SMIM10L3: variants seen among roughly 807,000 people sequenced by gnomAD.
SMIM10L3 encodes salivary gland specific protein SAGSIN1.
At chr7:6,336,149 G>C in the SMIM10L3 span, among the ~76,000 whole-genome samples, 1 of 148,334 alleles carries the variant, frequency 6.7e-6, no homozygotes, top group African/African-American at 2.5e-5. Context: ...CTCCAGCCTG[G>C]GCAACAGAGT....
At chr7:6,342,500 T>A in the SMIM10L3 span, among the ~76,000 whole-genome samples, 4 of 152,010 alleles carry the variant, frequency 2.6e-5, no homozygotes, top group African/African-American at 9.7e-5. Flanking sequence ...GATCACACCA[T>A]TGCACTGCAG....
the SMIM10L3 span, among the ~76,000 whole-genome samples, chr7:6,333,777 T>C: frequency 6.6e-6 from 1 of 151,604 alleles, no homozygotes; most frequent in Non-Finnish European, 1.5e-5. Flanking sequence ...AGTGTCTTTT[T>C]TTTTTTTTTA....
At chr7:6,330,283 G>A in the SMIM10L3 span, 2 of 1,230,150 alleles carry the variant, frequency 1.6e-6, no homozygotes, top group African/African-American at 3.0e-5. Flanking sequence ...AGGAACCTAA[G>A]GGCTGCACAG....
the SMIM10L3 span, among the ~76,000 whole-genome samples, chr7:6,332,019 G>A: frequency 6.6e-6 from 1 of 151,666 alleles, no homozygotes; most frequent in Non-Finnish European, 1.5e-5. Flanking sequence ...GGCTGAGGTG[G>A]GAGAATCGCT....
the SMIM10L3 span, among the ~76,000 whole-genome samples, chr7:6,347,889 A>G: frequency 1.2e-5 from 1 of 82,194 alleles, no homozygotes; most frequent in African/African-American, 4.8e-5. Context: ...CCCCTTTATT[A>G]TTATTATTAT....
the SMIM10L3 span, chr7:6,331,196 C>G: frequency 1.9e-5 from 30 of 1,574,340 alleles, no homozygotes; most frequent in South Asian, 3.3e-4. Context: ...GTCACGCCTT[C>G]GTCAGTCTGG....
the SMIM10L3 span, among the ~76,000 whole-genome samples, chr7:6,346,469 C>T: frequency 6.6e-6 from 1 of 152,100 alleles, no homozygotes; most frequent in African/African-American, 2.4e-5. Flanking sequence ...CAGGCTCAAG[C>T]GATCCTCCCA....
chr7:6,330,598 G>T, the SMIM10L3 span: 19 of 1,614,184 alleles, frequency 1.2e-5, no homozygotes, highest in South Asian at 1.4e-4. Context: ...GTGCAGGCAA[G>T]CGGGTTCCAA....
At chr7:6,348,479 T>C in the SMIM10L3 span, 1 of 408,810 alleles carries the variant, frequency 2.4e-6, no homozygotes. Context: ...TACACTCAGC[T>C]TCTAGGCAGT....
chr7:6,342,364 G>A, the SMIM10L3 span, among the ~76,000 whole-genome samples: 1 of 151,712 alleles, frequency 6.6e-6, no homozygotes, highest in Non-Finnish European at 1.5e-5. Context: ...AGCTAACATG[G>A]CAAAACCCCG....
chr7:6,344,846 A>G, the SMIM10L3 span, among the ~76,000 whole-genome samples: 1 of 151,258 alleles, frequency 6.6e-6, no homozygotes, highest in Admixed American at 6.6e-5. Context: ...GGTTCAAGTA[A>G]TTCTCCTGCC....
the SMIM10L3 span, among the ~76,000 whole-genome samples, chr7:6,335,014 G>A: frequency 5.0e-4 from 76 of 152,072 alleles, no homozygotes; most frequent in Non-Finnish European, 9.9e-4. Flanking sequence ...TGATCCACCC[G>A]CCTTGGCCTC....
chr7:6,341,117 CTGGG>C, the SMIM10L3 span, among the ~76,000 whole-genome samples: 1 of 148,914 alleles, frequency 6.7e-6, no homozygotes, highest in African/African-American at 2.5e-5. Flanking sequence ...GCACTCCAGC[CTGGG>C]CGACACAGCA....
At chr7:6,330,010 T>G in the SMIM10L3 span, 3 of 237,128 alleles carry the variant, frequency 1.3e-5, no homozygotes, top group East Asian at 3.7e-4. Context: ...TTCCATTGGG[T>G]GATCAGACAA....
chr7:6,346,726 T>C, the SMIM10L3 span, among the ~76,000 whole-genome samples: 2 of 152,274 alleles, frequency 1.3e-5, no homozygotes, highest in Non-Finnish European at 2.9e-5. Flanking sequence ...TTAGGTTTCA[T>C]GTTAATTACC....
chr7:6,331,344 T>C, the SMIM10L3 span: 5 of 636,966 alleles, frequency 7.8e-6, no homozygotes, highest in African/African-American at 1.8e-5. Flanking sequence ...TATGACAGTC[T>C]CCAGTACAGG....
the SMIM10L3 span, among the ~76,000 whole-genome samples, chr7:6,336,231 A>T: frequency 6.6e-6 from 1 of 151,796 alleles, no homozygotes; most frequent in East Asian, 1.9e-4. Context: ...CTGTAGTCCC[A>T]GTCACTTGAG....
chr7:6,337,622 T>C, the SMIM10L3 span, among the ~76,000 whole-genome samples: 1 of 151,626 alleles, frequency 6.6e-6, no homozygotes, highest in Non-Finnish European at 1.5e-5. Flanking sequence ...TAACGCAGTA[T>C]AAGGTACCAT....
the SMIM10L3 span, among the ~76,000 whole-genome samples, chr7:6,334,434 G>A: frequency 1.3e-5 from 2 of 151,774 alleles, no homozygotes; most frequent in South Asian, 2.1e-4. Context: ...TACTCGGGAG[G>A]GTGAGGCAGG....
Sources: gnomAD v4.1 joint callset for allele counts (sites outside exome capture counted in the v4.1 genomes callset) on GRCh38, gnomAD v4.1.1 for gene constraint, MANE v1.5 for transcripts, NCBI Gene and HGNC (gene_info 2026-07-23, HGNC 2026-07-21) for gene names.